SLCO5A1: variants seen among roughly 807,000 people sequenced by gnomAD.
SLCO5A1 encodes the protein solute carrier organic anion transporter family member 5A1.
SLCO5A1 carries 39 observed loss-of-function variants against 65.1 expected under a neutral mutation model. The observed-to-expected ratio is 0.60, with a 90% CI of 0.46 to 0.78. The LOEUF (loss-of-function observed/expected upper bound fraction) is 0.78. Among genes scored for constraint, SLCO5A1 ranks in the 30% least tolerant of loss-of-function variants. The pLI, the probability that SLCO5A1 is intolerant of heterozygous loss-of-function variation, is 0.00. For synonymous variants in SLCO5A1, 438 were observed against 415.7 expected (o/e 1.05, Z -0.65); for missense variants, 1,029 against 1,069.4 (o/e 0.96, Z 0.53).
At chr8:69,692,636 T>G (rs1481530535) in intron 6 of SLCO5A1, among the ~76,000 whole-genome samples, 2 of 152,200 alleles carry the variant, frequency 1.3e-5, no homozygotes, top group East Asian at 3.8e-4. Context: ...CTGTTTTCTT[T>G]TTTTGCCGTT....
intron 2 of SLCO5A1, among the ~76,000 whole-genome samples, chr8:69,798,644 C>T (rs1487387535): frequency 6.6e-6 from 1 of 152,188 alleles, no homozygotes; most frequent in Non-Finnish European, 1.5e-5. Flanking sequence ...TCCCACCAAG[C>T]TCCACCTCCA....
chr8:69,707,971 T>C (rs1390706711), intron 5 of SLCO5A1, among the ~76,000 whole-genome samples: 2 of 152,156 alleles, frequency 1.3e-5, no homozygotes, highest in African/African-American at 4.8e-5. Context: ...AACAAAGAGC[T>C]GGCTGGGGGA....
chr8:69,828,429 T>C (rs1381117432), intron 2 of SLCO5A1, among the ~76,000 whole-genome samples: 3 of 151,988 alleles, frequency 2.0e-5, no homozygotes, highest in Non-Finnish European at 2.9e-5. Flanking sequence ...GGTGAAACCC[T>C]GTCTCTACTA....
intron 2 of SLCO5A1, among the ~76,000 whole-genome samples, chr8:69,797,628 G>C (rs1465562639): frequency 3.3e-5 from 5 of 152,256 alleles, no homozygotes; most frequent in South Asian, 2.1e-4. Flanking sequence ...CTTCGTGGCG[G>C]GGGGTGGCCG....
At chr8:69,793,777 CTAAATAAATAAATAAATAAATAAATAAA>C (rs71556785) in intron 2 of SLCO5A1, among the ~76,000 whole-genome samples, 1 of 141,798 alleles carries the variant, frequency 7.1e-6, no homozygotes, top group African/African-American at 2.6e-5. Flanking sequence ...GACTCTGTCT[CTAAATAAATAAATAAATAAATAAATAAA>C]TAAATAAATA....
chr8:69,827,057 A>G (rs888201855), intron 2 of SLCO5A1, among the ~76,000 whole-genome samples: 4 of 150,746 alleles, frequency 2.7e-5, no homozygotes, highest in African/African-American at 4.9e-5. Flanking sequence ...ACAAGAAACC[A>G]AACACCGCAT....
intron 2 of SLCO5A1, among the ~76,000 whole-genome samples, chr8:69,820,909 C>T (rs1820607887): frequency 6.6e-6 from 1 of 152,020 alleles, no homozygotes; most frequent in Non-Finnish European, 1.5e-5. Context: ...GTAGTAATCC[C>T]CAGGCAGAAA....
At chr8:69,768,892 C>A (rs1326002808) in intron 2 of SLCO5A1, among the ~76,000 whole-genome samples, 1 of 152,148 alleles carries the variant, frequency 6.6e-6, no homozygotes, top group Non-Finnish European at 1.5e-5. Flanking sequence ...TACTTCACTG[C>A]TCGTCTAACA....
chr8:69,674,303 G>A (rs1813460169), intron 9 of SLCO5A1, among the ~76,000 whole-genome samples: 1 of 152,178 alleles, frequency 6.6e-6, no homozygotes. Context: ...ATAGCAATGG[G>A]AGGGAGGAGG....
chr8:69,738,019 G>C (rs1328956428), intron 5 of SLCO5A1, 21 bp downstream of exon 5: 1 of 1,608,986 alleles, frequency 6.2e-7, no homozygotes, highest in East Asian at 2.2e-5. Context: ...TTTTCAAGCA[G>C]CCCTAGCGGC....
intron 2 of SLCO5A1, among the ~76,000 whole-genome samples, chr8:69,767,625 C>T (rs548528768): frequency 6.6e-6 from 1 of 152,208 alleles, no homozygotes; most frequent in South Asian, 2.1e-4. Context: ...GGCATGGTGG[C>T]TCATGCCTGT....
chr8:69,672,702 G>C lies in SLCO5A1; in HGVS notation c.*167C>G. ...GGGGAAAGGCTCTCAGTCTTGTTGA[G>C]GTATCCAGCCCTCAATGAATAGCGG... On this transcript the variant is annotated 3_prime_UTR_variant, in exon 10 of 10. Coordinates refer to ENST00000260126, the MANE Select transcript of SLCO5A1 (RefSeq NM_030958.3). 2 of 685,620 alleles carry C rather than the reference G, an allele frequency of 2.9e-6. No homozygotes were observed. The highest frequency in any genetic ancestry group is 4.8e-6 in the Non-Finnish European group (2 of 419,198). 42.5% of individuals were successfully genotyped at this position (685,620 alleles called of 1,614,324 possible). A position where few individuals can be genotyped will look rare whatever the true frequency, so the allele number is the denominator to read the frequency against.
In SLCO5A1 at chr8:69,668,742, T is replaced by C. The variant is rs1172800871; in HGVS notation, c.*4127A>G. On this transcript the variant is annotated 3_prime_UTR_variant, in exon 10 of 10. Coordinates refer to ENST00000260126, the MANE Select transcript of SLCO5A1 (RefSeq NM_030958.3). ...GTGGACTGAAGAAGAATTTTCTTGGTGGTTGGTGAACATGGAGGACCACCA... is the reference window on the plus strand; with the variant it reads ...GTGGACTGAAGAAGAATTTTCTTGGCGGTTGGTGAACATGGAGGACCACCA... 5 of 152,184 alleles carry C rather than the reference T, an allele frequency of 3.3e-5. No homozygotes were observed. In the East Asian group the frequency reaches 9.6e-4, roughly 29 times the overall value. 9.4% of individuals were successfully genotyped at this position (152,184 alleles called of 1,614,324 possible).
intron 2 of SLCO5A1, among the ~76,000 whole-genome samples, chr8:69,783,178 T>C (rs1464786579): frequency 3.3e-5 from 5 of 152,128 alleles, no homozygotes; most frequent in Non-Finnish European, 4.4e-5. Flanking sequence ...TTCTGAGACC[T>C]TGCCAGACTT....
chr8:69,823,906 C>T (rs1038660091), intron 2 of SLCO5A1, among the ~76,000 whole-genome samples: 2 of 152,088 alleles, frequency 1.3e-5, no homozygotes, highest in African/African-American at 2.4e-5. Flanking sequence ...TGTAAAAGAT[C>T]AGAAATTATA....
At chr8:69,744,285 G>C (rs1017449230) in intron 4 of SLCO5A1, among the ~76,000 whole-genome samples, 1 of 152,222 alleles carries the variant, frequency 6.6e-6, no homozygotes, top group South Asian at 2.1e-4. Flanking sequence ...CGCCAGGCCT[G>C]TGAGAGCGGG....
chr8:69,715,616 G>GA (rs970294889), intron 5 of SLCO5A1, among the ~76,000 whole-genome samples: 2 of 151,952 alleles, frequency 1.3e-5, no homozygotes, highest in African/African-American at 4.8e-5. Context: ...TCTGTATATG[G>GA]AAAAAAAATT....
At chr8:69,824,136 G>C (rs1045724227) in intron 2 of SLCO5A1, among the ~76,000 whole-genome samples, 8 of 151,926 alleles carry the variant, frequency 5.3e-5, no homozygotes, top group Admixed American at 2.6e-4. Context: ...AGTGTGTAGA[G>C]GGAAATTTAT....
At chr8:69,779,344 A>C (rs1486297485) in intron 2 of SLCO5A1, among the ~76,000 whole-genome samples, 2 of 152,204 alleles carry the variant, frequency 1.3e-5, no homozygotes, top group Non-Finnish European at 2.9e-5. Flanking sequence ...TTATAGTTTT[A>C]ACATGTTAAC....
Sources: allele counts gnomAD v4.1 joint callset (sites outside exome capture counted in the v4.1 genomes callset), GRCh38; gene constraint gnomAD v4.1.1; transcripts MANE v1.5; gene names NCBI Gene and HGNC (gene_info 2026-07-23, HGNC 2026-07-21).